Variants in ENOX1 observed in about 807,000 individuals in gnomAD.
ENOX1 encodes ecto-NOX disulfide-thiol exchanger 1, also known as candidate growth-related and time keeping constitutive hydroquinone (NADH) oxidase.
Under a neutral mutation model 82.5 loss-of-function variants are expected in ENOX1, and 42 were observed. The observed-to-expected ratio is 0.51, with a 90% CI of 0.40 to 0.66. The LOEUF (loss-of-function observed/expected upper bound fraction) is 0.66, where lower values mean the gene tolerates loss of function less well. Among genes scored for constraint, ENOX1 ranks in the 30% least tolerant of loss-of-function variants. The pLI, the probability that ENOX1 is intolerant of heterozygous loss-of-function variation, is 0.00. For missense variants in ENOX1, 608 were observed against 811.6 expected, an observed-to-expected ratio of 0.75 and a Z score of 3.05; for synonymous variants, 271 against 282.2, an observed-to-expected ratio of 0.96 and a Z score of 0.40.
intron 8 of ENOX1, among the ~76,000 whole-genome samples, chr13:43,352,503 T>C (rs960910595): frequency 6.6e-6 from 1 of 152,214 alleles, no homozygotes; most frequent in African/African-American, 2.4e-5. Context: ...TTATCTCATC[T>C]GCCTGGTTGC....
chr13:43,242,967 C>T (rs959420842), intron 14 of ENOX1, among the ~76,000 whole-genome samples: 2 of 152,074 alleles, frequency 1.3e-5, no homozygotes, highest in African/African-American at 4.8e-5. Context: ...GAAACCCTGT[C>T]TCTACTGACC....
chr13:43,367,577 T>C (rs2153564883), intron 5 of ENOX1, among the ~76,000 whole-genome samples: 1 of 152,204 alleles, frequency 6.6e-6, no homozygotes, highest in Admixed American at 6.5e-5. Flanking sequence ...TGAAACTGAT[T>C]CTTCCCTGGA....
chr13:43,680,981 GGAGA>G (rs1461907339), intron 1 of ENOX1, among the ~76,000 whole-genome samples: 1 of 152,188 alleles, frequency 6.6e-6, no homozygotes, highest in Admixed American at 6.6e-5. Context: ...AAACATGAAA[GGAGA>G]GAAAGAGAGA....
chr13:43,670,614 G>A (rs1484567013), intron 1 of ENOX1, among the ~76,000 whole-genome samples: 1 of 152,132 alleles, frequency 6.6e-6, no homozygotes, highest in Non-Finnish European at 1.5e-5. Context: ...AGCACTTTGG[G>A]AGGCTGAGGC....
intron 1 of ENOX1, among the ~76,000 whole-genome samples, chr13:43,783,016 T>C (rs1185304873): frequency 1.3e-5 from 2 of 152,200 alleles, no homozygotes; most frequent in Non-Finnish European, 2.9e-5. Flanking sequence ...CAACAGTATG[T>C]CCATTGCTTT....
rs780047698 is a variant in ENOX1 at position 43,322,494 on chromosome 13, C to T, written c.1151G>A (p.Arg384Gln). 6.2e-5 allele frequency: 100 copies of T among 1,613,184 alleles called. No homozygotes were observed. The highest frequency in any genetic ancestry group is 4.9e-4 in the Middle Eastern group (3 of 6,074). The part of the protein sequence containing the change: ...DIWRKHSEEL[R>Q]NAQSEQLMGI... Reference sequence around the variant, plus strand: ...CATGAGCTGCTCACTTTGAGCATTCCGGAGCTCCTGCAAGTAGAGGATACA... The same window carrying T: ...CATGAGCTGCTCACTTTGAGCATTCTGGAGCTCCTGCAAGTAGAGGATACA... Residue 384 changes from arginine to glutamine, a missense_variant, in exon 11 of 17, where the codon CGG becomes CAG. Physicochemically the swap from Arg to Gln is conservative, Grantham distance 43 (BLOSUM62 1). Coordinates refer to ENST00000690772, the MANE Select transcript of ENOX1 (RefSeq NM_001347969.2).
At chr13:43,755,541 A>G (rs763674264) in intron 1 of ENOX1, among the ~76,000 whole-genome samples, 5 of 152,168 alleles carry the variant, frequency 3.3e-5, no homozygotes, top group Non-Finnish European at 5.9e-5. Context: ...CCTATAAAAA[A>G]TCTTTAATGT....
At chr13:43,254,771 A>C (rs2043651645) in intron 14 of ENOX1, among the ~76,000 whole-genome samples, 2 of 152,206 alleles carry the variant, frequency 1.3e-5, no homozygotes, top group African/African-American at 2.4e-5. Flanking sequence ...TATACTAACA[A>C]ATCGGAACAC....
intron 16 of ENOX1, among the ~76,000 whole-genome samples, chr13:43,216,604 G>A (rs181716192): frequency 1.9e-4 from 29 of 152,138 alleles, no homozygotes; most frequent in Admixed American, 1.8e-3. Context: ...CATCTATGGT[G>A]GGCTCTAGTC....
chr13:43,708,961 A>C (rs1473110380), intron 1 of ENOX1, among the ~76,000 whole-genome samples: 5 of 152,204 alleles, frequency 3.3e-5, no homozygotes, highest in African/African-American at 1.2e-4. Context: ...AAAAGCAAAT[A>C]GCCTGTCTAT....
At chr13:43,589,993 T>C (rs75564354) in intron 2 of ENOX1, among the ~76,000 whole-genome samples, 12,460 of 151,804 alleles carry the variant, frequency 0.082, 581 homozygotes, top group African/African-American at 0.11. Flanking sequence ...CATTAATATA[T>C]GTAGGTGAGG....
At chr13:43,583,112 A>G (rs1353481928) in intron 2 of ENOX1, among the ~76,000 whole-genome samples, 1 of 152,182 alleles carries the variant, frequency 6.6e-6, no homozygotes, top group Non-Finnish European at 1.5e-5. Context: ...CCTTCAAAGC[A>G]TAAGGGAAGA....
At chr13:43,733,200 A>C (rs1331879183) in intron 1 of ENOX1, among the ~76,000 whole-genome samples, 3 of 152,230 alleles carry the variant, frequency 2.0e-5, no homozygotes, top group Non-Finnish European at 4.4e-5. Flanking sequence ...ATAAATTCTA[A>C]ATAATTTTAT....
intron 7 of ENOX1, among the ~76,000 whole-genome samples, chr13:43,356,632 A>G (rs761153132): frequency 6.6e-6 from 1 of 152,224 alleles, no homozygotes; most frequent in Admixed American, 6.5e-5. Context: ...AAAAAGATCT[A>G]CAAAGTGAAT....
chr13:43,751,482 C>T (rs1011416976), intron 1 of ENOX1, among the ~76,000 whole-genome samples: 10 of 152,290 alleles, frequency 6.6e-5, no homozygotes, highest in Non-Finnish European at 1.2e-4. Context: ...AGATAATGAA[C>T]ACATTCACTA....
intron 3 of ENOX1, among the ~76,000 whole-genome samples, chr13:43,416,034 T>C (rs1207027932): frequency 6.9e-6 from 1 of 144,868 alleles, no homozygotes; most frequent in Non-Finnish European, 1.5e-5. Flanking sequence ...GCAGAGGCGC[T>C]CCTCACTTCC....
intron 9 of ENOX1, among the ~76,000 whole-genome samples, chr13:43,339,108 T>G (rs967466783): frequency 3.3e-5 from 5 of 152,218 alleles, no homozygotes; most frequent in African/African-American, 1.2e-4. Context: ...AGGTTAGAAC[T>G]TTCATAAATA....
intron 2 of ENOX1, among the ~76,000 whole-genome samples, chr13:43,524,097 C>A (rs2077889458): frequency 1.3e-5 from 2 of 152,166 alleles, no homozygotes; most frequent in African/African-American, 4.8e-5. Context: ...AGGAAGGCCA[C>A]CCAACCACCT....
At chr13:43,569,368 GAGAT>G (rs1237628806) in intron 2 of ENOX1, among the ~76,000 whole-genome samples, 2 of 152,182 alleles carry the variant, frequency 1.3e-5, no homozygotes, top group East Asian at 1.9e-4. Flanking sequence ...TAGGTAAGTA[GAGAT>G]AGATAGATAG....
Sources: gnomAD v4.1 joint callset for allele counts (sites outside exome capture counted in the v4.1 genomes callset) on GRCh38, gnomAD v4.1.1 for gene constraint, MANE v1.5 for transcripts, NCBI Gene and HGNC (gene_info 2026-07-23, HGNC 2026-07-21) for gene names.